XRN2: variants seen among roughly 807,000 people sequenced by gnomAD.
XRN2 encodes 5'-3' exoribonuclease 2, also known as DHM1-like protein.
In XRN2, 44 loss-of-function variants were observed where a neutral mutation model predicts 138.5. That is an observed-to-expected ratio of 0.32 (90% CI 0.25 to 0.41). XRN2 has a LOEUF of 0.41. XRN2 is among the 10% of genes least tolerant of loss of function. The pLI, the probability that XRN2 is intolerant of heterozygous loss-of-function variation, is 1.00. For synonymous variants in XRN2, 354 were observed against 369.4 expected (o/e 0.96, Z 0.48); for missense variants, 937 against 1,169.3 (o/e 0.80, Z 2.90).
rs1445161981 is a variant in XRN2 at position 21,341,655 on chromosome 20, C to CTTTT, written c.1410+804_1410+807dup. ...CTAACAGTAGAGGAAGGAACATACA[C>CTTTT]TTTTGCTATGATATATCCAAGGAAA... On this transcript the variant is annotated intron_variant, in intron 15 of 29. Coordinates refer to ENST00000377191, the MANE Select transcript of XRN2 (RefSeq NM_012255.5). Among the ~76,000 whole-genome samples, 320 of 152,304 alleles carry CTTTT rather than the reference C, an allele frequency of 2.1e-3. 1 individual carries two copies. Among genetic ancestry groups the CTTTT allele is most frequent in the African/African-American group, 7.6e-3 (314 of 41,558 alleles).
At chr20:21,327,468 T>C (rs1463460735) in intron 3 of XRN2, among the ~76,000 whole-genome samples, 1 of 152,214 alleles carries the variant, frequency 6.6e-6, no homozygotes, top group Non-Finnish European at 1.5e-5. Flanking sequence ...GATTAACTTT[T>C]CTGTGAGATT....
intron 29 of XRN2, among the ~76,000 whole-genome samples, chr20:21,388,296 ACT>A (rs2038955954): frequency 6.6e-6 from 1 of 152,160 alleles, no homozygotes; most frequent in Admixed American, 6.5e-5. Flanking sequence ...TTTTAAAGGA[ACT>A]CTGTGCTGTT....
intron 1 of XRN2, among the ~76,000 whole-genome samples, chr20:21,316,837 C>T (rs542759661): frequency 4.6e-5 from 7 of 152,174 alleles, no homozygotes; most frequent in South Asian, 4.1e-4. Context: ...ATATAAATTT[C>T]GTATTTCTTT....
chr20:21,377,264 C>CTTTTTTTTTTTTTTTTTTTT lies in XRN2; in HGVS notation c.2585-4716_2585-4715insTTTTTTTTTTTTTTTTTTTT, dbSNP rs761622310. On this transcript the variant is annotated intron_variant, in intron 27 of 29. Coordinates refer to ENST00000377191, the MANE Select transcript of XRN2 (RefSeq NM_012255.5). ...CCAACATATGATTTGTCGGTTTTTTCTTTTTTTTTTTTTTGGTCAGTCTTG... is the reference window on the plus strand; with the variant it reads ...CCAACATATGATTTGTCGGTTTTTTCTTTTTTTTTTTTTTTTTTTTTTTTTTTTTTTTTTGGTCAGTCTTG... Among the ~76,000 whole-genome samples, 177 of 82,782 alleles carry CTTTTTTTTTTTTTTTTTTTT rather than the reference C, an allele frequency of 2.1e-3. 38 individuals carry two copies. The highest frequency in any genetic ancestry group is 0.017 in the East Asian group (32 of 1,842). 54.3% of individuals were successfully genotyped at this position (82,782 alleles called of 152,430 possible). A position where few individuals can be genotyped will look rare whatever the true frequency, so the allele number is the denominator to read the frequency against.
chr20:21,316,160 A>C (rs2037956286), intron 1 of XRN2, among the ~76,000 whole-genome samples: 1 of 152,306 alleles, frequency 6.6e-6, no homozygotes, highest in Admixed American at 6.5e-5. Context: ...AGGCTGGGGC[A>C]GGAGAATGGC....
chr20:21,326,090 T>C (rs142962022), intron 1 of XRN2, among the ~76,000 whole-genome samples, 189 bp from the exon 2 acceptor site: 1 of 152,346 alleles, frequency 6.6e-6, no homozygotes, highest in African/African-American at 2.4e-5. Flanking sequence ...TTAGAAGCCA[T>C]CCACTTTCTA....
At chr20:21,357,310 C>T (rs2038587437) in intron 23 of XRN2, among the ~76,000 whole-genome samples, 1 of 152,130 alleles carries the variant, frequency 6.6e-6, no homozygotes, top group Non-Finnish European at 1.5e-5. Flanking sequence ...GAACTGCTGG[C>T]CATAGAGTAT....
In XRN2 at chr20:21,340,869, T is replaced by C. The variant is rs1047500214; in HGVS notation, c.1410+17T>C. 2.5e-6 allele frequency: 4 copies of C among 1,613,494 alleles called. No homozygotes were observed. The African/African-American group carries it at 5.3e-5, about 22-fold the overall frequency. ...AATAACTCTGTAAGTGGCTTACTTT[T>C]ATGTGACATTTAAGAGTGGTGAATA... is the stretch of plus-strand genomic sequence containing the variant. On this transcript the variant is annotated intron_variant, in intron 15 of 29. Coordinates refer to ENST00000377191, the MANE Select transcript of XRN2 (RefSeq NM_012255.5).
intron 15 of XRN2, among the ~76,000 whole-genome samples, chr20:21,341,625 C>A (rs1430375331): frequency 6.6e-6 from 1 of 152,178 alleles, no homozygotes; most frequent in Non-Finnish European, 1.5e-5. Context: ...GGAACAGACC[C>A]TGATCTAACA....
chr20:21,303,395 C>G lies in XRN2; in HGVS notation c.-4C>G, dbSNP rs1048326391. ...TCGGCCGCCGCCTCCAGCCGTGTGC[C>G]GCTATGGGAGTCCCGGCGTTCTTCC... On this transcript the variant is annotated 5_prime_UTR_variant, in exon 1 of 30. Transcript: ENST00000377191. 1 of 1,548,048 alleles carries G rather than the reference C, an allele frequency of 6.5e-7. No homozygotes were observed. Among genetic ancestry groups the G allele is most frequent in the African/African-American group, 1.4e-5 (1 of 72,490 alleles).
intron 27 of XRN2, among the ~76,000 whole-genome samples, chr20:21,375,791 T>G (rs1165818949): frequency 2.7e-5 from 4 of 150,572 alleles, no homozygotes; most frequent in Admixed American, 6.7e-5. Context: ...AATATCCCAC[T>G]CCCACCAATA....
At chr20:21,384,751 C>T (rs867602952) in intron 28 of XRN2, among the ~76,000 whole-genome samples, 5 of 152,332 alleles carry the variant, frequency 3.3e-5, no homozygotes, top group Middle Eastern at 3.4e-3. Context: ...CCTCGGCCTC[C>T]TGGAGTGCCG....
At chr20:21,340,187 C>CG (rs1208578930) in intron 14 of XRN2, among the ~76,000 whole-genome samples, 1 of 151,938 alleles carries the variant, frequency 6.6e-6, no homozygotes, top group Non-Finnish European at 1.5e-5. Context: ...CCCAGCTACT[C>CG]GGGAGGCTGA....
intron 15 of XRN2, 128 bp downstream of exon 15, chr20:21,340,980 C>T (rs1600693472): frequency 1.9e-6 from 2 of 1,069,424 alleles, no homozygotes; most frequent in East Asian, 5.0e-5. Flanking sequence ...ATTGCTTTGC[C>T]TTGAGAAATG....
chr20:21,368,107 G>A (rs1011873836), intron 26 of XRN2, among the ~76,000 whole-genome samples: 1 of 152,134 alleles, frequency 6.6e-6, no homozygotes, highest in Non-Finnish European at 1.5e-5. Flanking sequence ...ATTAAAAATA[G>A]CAAGATGTAG....
At chr20:21,355,675 G>A (rs546916807) in intron 21 of XRN2, among the ~76,000 whole-genome samples, 106 of 151,780 alleles carry the variant, frequency 7.0e-4, no homozygotes, top group Non-Finnish European at 1.2e-3. Flanking sequence ...GGCACATCAC[G>A]CATTTAGATC....
At chr20:21,313,699 T>C (rs1421296328) in intron 1 of XRN2, among the ~76,000 whole-genome samples, 1 of 152,252 alleles carries the variant, frequency 6.6e-6, no homozygotes, top group African/African-American at 2.4e-5. Flanking sequence ...TACTGCGTTG[T>C]AGTGTACAGT....
Position 21,346,590 on chromosome 20 carries a change from A to G in XRN2, c.1665+40A>G, listed in dbSNP as rs1235986525. 7 of 1,583,324 alleles carry G rather than the reference A, an allele frequency of 4.4e-6. No homozygotes were observed. In the South Asian group the frequency reaches 8.1e-5, roughly 18 times the overall value. On this transcript the variant is annotated intron_variant, in intron 17 of 29. Transcript: ENST00000377191. Reference sequence around the variant, plus strand: ...TTTTCCTCTGAATTTGTAGTTAATCATTTAAGAAAAATAGTAATTTCTTTT... The same window carrying G: ...TTTTCCTCTGAATTTGTAGTTAATCGTTTAAGAAAAATAGTAATTTCTTTT...
intron 13 of XRN2, among the ~76,000 whole-genome samples, chr20:21,335,267 A>C (rs1219283454): frequency 6.6e-6 from 1 of 152,196 alleles, no homozygotes; most frequent in East Asian, 1.9e-4. Flanking sequence ...GGAGGCCAGC[A>C]GTGGGCAAAA....
Sources: allele counts gnomAD v4.1 joint callset (sites outside exome capture counted in the v4.1 genomes callset), GRCh38; gene constraint gnomAD v4.1.1; transcripts MANE v1.5; gene names NCBI Gene and HGNC (gene_info 2026-07-23, HGNC 2026-07-21).